PLAAT3: variants seen among roughly 807,000 people sequenced by gnomAD.
PLAAT3 encodes the protein phospholipase A and acyltransferase 3.
A neutral mutation model predicts 16.7 loss-of-function variants in PLAAT3; 21 were observed. The observed-to-expected ratio is 1.26, with a 90% CI of 0.89 to 1.81. PLAAT3 has a LOEUF of 1.81. Ranked by LOEUF, PLAAT3 falls within the 40% of genes most tolerant of loss-of-function variation. The probability of loss-of-function intolerance (pLI) is 0.00; values close to 1 mark genes in which losing one functional copy is unlikely to be tolerated. For missense variants in PLAAT3, 219 were observed against 213.7 expected, an observed-to-expected ratio of 1.02 and a Z score of -0.16; for synonymous variants, 76 against 81.7, an observed-to-expected ratio of 0.93 and a Z score of 0.38.
chr11:63,609,117 G>A (rs1225763935), intron 2 of PLAAT3, among the ~76,000 whole-genome samples: 1 of 152,192 alleles, frequency 6.6e-6, no homozygotes, highest in Non-Finnish European at 1.5e-5. Context: ...ACACTGTGGA[G>A]GCTGTGAAAC....
intron 4 of PLAAT3, among the ~76,000 whole-genome samples, chr11:63,576,142 A>T (rs938447718): frequency 6.6e-6 from 1 of 152,130 alleles, no homozygotes; most frequent in African/African-American, 2.4e-5. Flanking sequence ...ATCTGGCCCA[A>T]ATGCAAACAA....
At chr11:63,614,194 C>T (rs1486269363) in intron 1 of PLAAT3, 126 bp from the exon 2 acceptor site, 1 of 756,406 alleles carries the variant, frequency 1.3e-6, no homozygotes, top group Non-Finnish European at 2.2e-6. Context: ...ACAACCACCT[C>T]GCTCCCTTTA....
At chr11:63,587,464 T>C (rs1379545334) in intron 4 of PLAAT3, among the ~76,000 whole-genome samples, 1 of 151,746 alleles carries the variant, frequency 6.6e-6, no homozygotes, top group Non-Finnish European at 1.5e-5. Context: ...TAGAATTCTA[T>C]ACCCAGCCAA....
intron 3 of PLAAT3, among the ~76,000 whole-genome samples, chr11:63,593,717 C>T (rs1004730051): frequency 1.3e-5 from 2 of 152,048 alleles, no homozygotes; most frequent in South Asian, 2.1e-4. Context: ...GTAGATAGGA[C>T]TACAGTGGCG....
In PLAAT3 at chr11:63,610,642, A is replaced by G. The variant is rs896261706; in HGVS notation, c.15+3358T>C. Among the ~76,000 whole-genome samples the G allele has an allele frequency of 2.7e-4, 41 of 152,136 alleles. 1 individual carries two copies. The highest frequency in any genetic ancestry group is 2.8e-4 in the Non-Finnish European group (19 of 68,016). ...TCCCCTTTGCACCTTAACTAGTTCC[A>G]CACAGATCCATCAGAAAATCAAGCA... On this transcript the variant is annotated intron_variant, in intron 2 of 4. Coordinates refer to ENST00000415826, the MANE Select transcript of PLAAT3 (RefSeq NM_001128203.2).
chr11:63,610,045 C>T (rs564690218), intron 2 of PLAAT3, among the ~76,000 whole-genome samples: 77 of 152,296 alleles, frequency 5.1e-4, no homozygotes, highest in African/African-American at 1.8e-3. Context: ...CCTAAGGTCT[C>T]GGAGCTCCCC....
chr11:63,590,199 C>T lies in PLAAT3; in HGVS notation c.288G>A (p.Ala96=), dbSNP rs199819229. Reference sequence around the variant, plus strand: ...GCACCTCCTGCCCCACCAGCTCCTCCGCCCGCTGGATGATTTTGCTGCAGG... The same window carrying T: ...GCACCTCCTGCCCCACCAGCTCCTCTGCCCGCTGGATGATTTTGCTGCAGG... ...PLPCSKIIQR[A]EELVGQEVLY... The change falls in exon 4 of 5, where the codon GCG becomes GCA. Residue 96 remains alanine (A), a synonymous_variant. Transcript: ENST00000415826. 2.7e-5 allele frequency: 44 copies of T among 1,614,186 alleles called. No individual in the cohort carries two copies. Among genetic ancestry groups the T allele is most frequent in the East Asian group, 8.9e-5 (4 of 44,888 alleles).
intron 4 of PLAAT3, among the ~76,000 whole-genome samples, chr11:63,583,038 G>A (rs1937865536): frequency 6.6e-6 from 1 of 152,128 alleles, no homozygotes; most frequent in African/African-American, 2.4e-5. Flanking sequence ...GGCTGAGGCA[G>A]GAGAATCACT....
chr11:63,593,308 C>A (rs1025456962), intron 3 of PLAAT3, among the ~76,000 whole-genome samples: 1 of 152,238 alleles, frequency 6.6e-6, no homozygotes, highest in African/African-American at 2.4e-5. Flanking sequence ...GTTGCTCAGG[C>A]TGGGGAGGCC....
intron 4 of PLAAT3, 97 bp from the exon 5 acceptor site, chr11:63,575,143 C>T (rs1024672582): frequency 1.4e-5 from 11 of 782,644 alleles, no homozygotes; most frequent in Admixed American, 2.2e-5. Context: ...ACCTCACATG[C>T]CCCTTGGCCT....
intron 3 of PLAAT3, among the ~76,000 whole-genome samples, chr11:63,595,646 G>A (rs181420300): frequency 7.9e-5 from 12 of 152,332 alleles, no homozygotes; most frequent in Admixed American, 7.8e-4. Flanking sequence ...TTCAGGGTAA[G>A]TGGCACAGTG....
intron 3 of PLAAT3, among the ~76,000 whole-genome samples, chr11:63,591,501 G>C (rs1938152372): frequency 6.6e-6 from 1 of 152,186 alleles, no homozygotes; most frequent in East Asian, 1.9e-4. Flanking sequence ...ACCCTGTCAG[G>C]GTCAAGGCCC....
Position 63,597,574 on chromosome 11 carries a change from G to A in PLAAT3, c.118+487C>T, listed in dbSNP as rs570343971. ...TTTTCTTTATAAATTACCCAGTCTC[G>A]GGTAGTTCTTTATAGCAGTGTGAAA... On this transcript the variant is annotated intron_variant, in intron 3 of 4. Transcript: ENST00000415826. Among the ~76,000 whole-genome samples, 139 of 152,174 alleles carry A rather than the reference G, an allele frequency of 9.1e-4. 1 individual carries two copies. In the Middle Eastern group the frequency reaches 0.017, roughly 19 times the overall value.
upstream of PLAAT3, among the ~76,000 whole-genome samples, chr11:63,614,972 G>A (rs1180621731): frequency 3.4e-5 from 5 of 145,368 alleles, no homozygotes; most frequent in East Asian, 4.1e-4. Context: ...CCAAGATCGC[G>A]CCACTGCACT....
intron 3 of PLAAT3, among the ~76,000 whole-genome samples, chr11:63,596,989 G>C (rs377151521): frequency 2.6e-5 from 4 of 151,670 alleles, no homozygotes; most frequent in Admixed American, 1.3e-4. Flanking sequence ...CCAGCTACTC[G>C]GGAGGCTGAA....
At chr11:63,604,285 ATTATT>A (rs1350566774) in intron 2 of PLAAT3, among the ~76,000 whole-genome samples, 5 of 152,174 alleles carry the variant, frequency 3.3e-5, no homozygotes, top group African/African-American at 1.2e-4. Context: ...TTCATGTTAT[ATTATT>A]TTATTGTTTG....
chr11:63,613,975 C>A, intron 2 of PLAAT3, 25 bp downstream of exon 2: 2 of 1,466,714 alleles, frequency 1.4e-6, no homozygotes, highest in Admixed American at 3.4e-5. Context: ...CAGCCCCGCC[C>A]AGCCCCGCCT....
chr11:63,578,017 T>G (rs948075627), intron 4 of PLAAT3, among the ~76,000 whole-genome samples: 1 of 152,148 alleles, frequency 6.6e-6, no homozygotes, highest in Non-Finnish European at 1.5e-5. Context: ...GTGCAGTGGC[T>G]CAAGTCTGTA....
intron 3 of PLAAT3, among the ~76,000 whole-genome samples, chr11:63,597,696 T>C (rs947257911): frequency 3.3e-5 from 5 of 152,196 alleles, no homozygotes; most frequent in Admixed American, 3.3e-4. Flanking sequence ...GCTGCTGATC[T>C]GACAGGAGGT....
Sources: gnomAD v4.1 joint callset for allele counts (sites outside exome capture counted in the v4.1 genomes callset) on GRCh38, gnomAD v4.1.1 for gene constraint, MANE v1.5 for transcripts, NCBI Gene and HGNC (gene_info 2026-07-23, HGNC 2026-07-21) for gene names.